The following GNA14 variants were observed in gnomAD, a reference collection of about 807,000 sequenced individuals.
GNA14 encodes the protein guanine nucleotide-binding protein subunit alpha-14.
In GNA14, 50 loss-of-function variants were observed where a neutral mutation model predicts 42.0. The observed-to-expected ratio is 1.19, with a 90% CI of 0.95 to 1.51. The LOEUF (loss-of-function observed/expected upper bound fraction) is 1.51, where lower values mean the gene tolerates loss of function less well. Among genes scored for constraint, GNA14 ranks in the 40% most tolerant of loss-of-function variants. The pLI, the probability that GNA14 is intolerant of heterozygous loss-of-function variation, is 0.00. For synonymous variants in GNA14, 173 were observed against 163.1 expected, an observed-to-expected ratio of 1.06 and a Z score of -0.46; for missense variants, 473 against 446.2, an observed-to-expected ratio of 1.06 and a Z score of -0.54.
At chr9:77,448,325 C>G (rs933018032) in intron 2 of GNA14, among the ~76,000 whole-genome samples, 5 of 152,198 alleles carry the variant, frequency 3.3e-5, no homozygotes, top group African/African-American at 1.2e-4. Flanking sequence ...AGTAACCATT[C>G]AGTAGAAACC....
chr9:77,554,310 G>T (rs1244544243), intron 1 of GNA14, among the ~76,000 whole-genome samples: 1 of 152,162 alleles, frequency 6.6e-6, no homozygotes, highest in African/African-American at 2.4e-5. Flanking sequence ...CTTAATGGTG[G>T]TAATCACTGG....
At chr9:77,436,759 C>G (rs1421226389) in intron 2 of GNA14, among the ~76,000 whole-genome samples, 1 of 152,184 alleles carries the variant, frequency 6.6e-6, no homozygotes, top group Non-Finnish European at 1.5e-5. Flanking sequence ...CTTATTTGTT[C>G]TTATATCCCA....
At chr9:77,537,124 CTG>C (rs1837607919) in intron 1 of GNA14, among the ~76,000 whole-genome samples, 1 of 152,140 alleles carries the variant, frequency 6.6e-6, no homozygotes, top group African/African-American at 2.4e-5. Context: ...ATACAATACA[CTG>C]TTGCTAATTA....
intron 1 of GNA14, among the ~76,000 whole-genome samples, chr9:77,589,166 G>C (rs1669410005): frequency 6.6e-6 from 1 of 152,166 alleles, no homozygotes; most frequent in South Asian, 2.1e-4. Flanking sequence ...ACCTGGCATT[G>C]GTTTTCACAG....
chr9:77,467,519 T>C (rs1158635504), intron 2 of GNA14, among the ~76,000 whole-genome samples: 1 of 150,568 alleles, frequency 6.6e-6, no homozygotes, highest in Non-Finnish European at 1.5e-5. Context: ...GGCTACTAGA[T>C]TCATGGAGCT....
chr9:77,501,938 A>T (rs1836981617), intron 2 of GNA14, among the ~76,000 whole-genome samples: 2 of 151,580 alleles, frequency 1.3e-5, no homozygotes, highest in Admixed American at 1.3e-4. Context: ...CGATCTCTTG[A>T]CTTCGTGATC....
chr9:77,442,749 A>C (rs1241787879), intron 2 of GNA14, among the ~76,000 whole-genome samples: 1 of 152,218 alleles, frequency 6.6e-6, no homozygotes, highest in African/African-American at 2.4e-5. Context: ...TTGGGAGATA[A>C]CATCTTCCTC....
intron 1 of GNA14, among the ~76,000 whole-genome samples, chr9:77,599,676 G>A (rs55831612): frequency 2.6e-3 from 393 of 152,290 alleles, no homozygotes; most frequent in Non-Finnish European, 4.3e-3. Context: ...GGAATGGCTT[G>A]GTCAAGTACA....
chr9:77,493,020 A>ATATAT (rs1466048683), intron 2 of GNA14, among the ~76,000 whole-genome samples: 348 of 80,402 alleles, frequency 4.3e-3, no homozygotes, highest in East Asian at 5.4e-3. Context: ...AAAAAAAAAA[A>ATATAT]AAAAAAATAT....
rs181070474 is a variant in GNA14, at chr9:77,614,153, G to A, written c.124+33517C>T. ...GTTGGCCAGCTTTCCTCCATGCAGC[G>A]ATTCAGAGCACAGGCATTTTTCTCT... is the stretch of plus-strand genomic sequence containing the variant. On this transcript the variant is annotated intron_variant, in intron 1 of 6. Coordinates refer to ENST00000341700, the MANE Select transcript of GNA14 (RefSeq NM_004297.4). 4.2e-3 allele frequency among the ~76,000 whole-genome samples: 638 copies of A among 152,232 alleles called. 1 individual carries two copies. The highest frequency in any genetic ancestry group is 6.7e-3 in the Non-Finnish European group (456 of 68,014).
At chr9:77,445,217 G>T (rs1835795994) in intron 2 of GNA14, among the ~76,000 whole-genome samples, 1 of 152,142 alleles carries the variant, frequency 6.6e-6, no homozygotes, top group African/African-American at 2.4e-5. Context: ...ATGGAGCGGG[G>T]GTACGAGAAA....
At chr9:77,581,138 G>C (rs796513265) in intron 1 of GNA14, among the ~76,000 whole-genome samples, 5 of 152,196 alleles carry the variant, frequency 3.3e-5, no homozygotes, top group African/African-American at 1.2e-4. Flanking sequence ...TAGACTTTTT[G>C]CAGGGTGTGT....
rs146147056 is a variant in GNA14 at position 77,424,886 on chromosome 9, G to A, written c.877+676C>T. Among the ~76,000 whole-genome samples, 280 of 152,218 alleles carry A rather than the reference G, an allele frequency of 1.8e-3. 1 individual carries two copies. The highest frequency in any genetic ancestry group is 6.4e-3 in the African/African-American group (265 of 41,548). On this transcript the variant is annotated intron_variant, in intron 6 of 6. Coordinates refer to ENST00000341700, the MANE Select transcript of GNA14 (RefSeq NM_004297.4). ...ACACAGCCAGTATGGTTAGTAAAAGGGGAAAGAAGAGTGCTAAAACATGAA... is the reference window on the plus strand; with the variant it reads ...ACACAGCCAGTATGGTTAGTAAAAGAGGAAAGAAGAGTGCTAAAACATGAA...
At chr9:77,442,262 C>T (rs1564015266) in intron 2 of GNA14, among the ~76,000 whole-genome samples, 1 of 152,138 alleles carries the variant, frequency 6.6e-6, no homozygotes, top group Non-Finnish European at 1.5e-5. Context: ...ATCCTAGCTA[C>T]TCGGGAGGCT....
At chr9:77,502,193 T>C (rs938964265) in intron 2 of GNA14, among the ~76,000 whole-genome samples, 2 of 152,230 alleles carry the variant, frequency 1.3e-5, no homozygotes, top group Admixed American at 6.5e-5. Flanking sequence ...GTTTCTAACC[T>C]GTTTATAATT....
At chr9:77,606,670 T>C (rs1398749501) in intron 1 of GNA14, among the ~76,000 whole-genome samples, 1 of 152,266 alleles carries the variant, frequency 6.6e-6, no homozygotes, top group East Asian at 1.9e-4. Context: ...TTATTTGGGG[T>C]TCCTGGGGAA....
intron 2 of GNA14, among the ~76,000 whole-genome samples, chr9:77,469,010 T>C (rs1036839242): frequency 6.6e-6 from 1 of 152,234 alleles, no homozygotes; most frequent in African/African-American, 2.4e-5. Context: ...GTTTCATCTT[T>C]TGATGTGTGT....
chr9:77,488,683 T>G (rs1270328243), intron 2 of GNA14, among the ~76,000 whole-genome samples: 2 of 149,914 alleles, frequency 1.3e-5, no homozygotes, highest in Non-Finnish European at 2.9e-5. Context: ...AAGCTTGGGC[T>G]CAAGGCACCC....
Position 77,571,747 on chromosome 9 carries a change from C to T in GNA14, c.125-42494G>A, listed in dbSNP as rs566614471. ...TCCAGCCTGGGCAACAAGAGCAAAC[C>T]TCTGCCTTCAAAAAAAAAAAAAAAG... On this transcript the variant is annotated intron_variant, in intron 1 of 6. Coordinates refer to ENST00000341700, the MANE Select transcript of GNA14 (RefSeq NM_004297.4). Among the ~76,000 whole-genome samples, 22 of 129,896 alleles carry T rather than the reference C, an allele frequency of 1.7e-4. No homozygotes were observed. The South Asian group carries it at 3.8e-3, about 22-fold the overall frequency. 85.2% of individuals were successfully genotyped at this position (129,896 alleles called of 152,430 possible).
Sources: allele counts gnomAD v4.1 joint callset (sites outside exome capture counted in the v4.1 genomes callset), GRCh38; gene constraint gnomAD v4.1.1; transcripts MANE v1.5; gene names NCBI Gene and HGNC (gene_info 2026-07-23, HGNC 2026-07-21).